Variants in CNTNAP3 observed in about 807,000 individuals in gnomAD.
The protein encoded by CNTNAP3 is contactin associated protein family member 3, also known as contactin-associated protein-like 3.
In CNTNAP3, 36 loss-of-function variants were observed where a neutral mutation model predicts 92.1. The observed-to-expected ratio is 0.39, with a 90% CI of 0.30 to 0.52. CNTNAP3 has a LOEUF of 0.52. Ranked by LOEUF, CNTNAP3 falls within the 20% of genes least tolerant of loss-of-function variation. The probability of loss-of-function intolerance (pLI) is 0.76; values close to 1 mark genes in which losing one functional copy is unlikely to be tolerated. For synonymous variants in CNTNAP3, 232 were observed against 422.3 expected (o/e 0.55, Z 5.53); for missense variants, 534 against 1,069.6 (o/e 0.50, Z 6.98).
intron 15 of CNTNAP3, among the ~76,000 whole-genome samples, chr9:39,105,994 C>G (rs1392612001): frequency 2.0e-5 from 3 of 152,074 alleles, no homozygotes; most frequent in Non-Finnish European, 4.4e-5. Context: ...CAGTCTTCCT[C>G]CTTCCCACAT....
chr9:39,083,291 C>A (rs1219282797), intron 21 of CNTNAP3, among the ~76,000 whole-genome samples: 1 of 151,744 alleles, frequency 6.6e-6, no homozygotes, highest in Non-Finnish European at 1.5e-5. Flanking sequence ...TTTTTTTTTA[C>A]TTTTTGGGAG....
At position 39,066,949 on chromosome 9, in the gene CNTNAP3, A is replaced by G. The variant is rs1476537897; in HGVS notation, c.*6941T>C. 6.6e-5 allele frequency among the ~76,000 whole-genome samples: 10 copies of G among 152,376 alleles called. No individual in the cohort carries two copies. Among genetic ancestry groups the G allele is most frequent in the Middle Eastern group, 3.4e-3 (1 of 294 alleles). Reference sequence around the variant, plus strand: ...TTTTTAAAAATATTTTTTTCTATCCATCCACTCTCTTTTCTCCTTTGAGAA... The same window carrying G: ...TTTTTAAAAATATTTTTTTCTATCCGTCCACTCTCTTTTCTCCTTTGAGAA... On this transcript the variant is annotated 3_prime_UTR_variant, in exon 24 of 24. Transcript: ENST00000297668.
chr9:39,135,538 C>T (rs1195712358), intron 12 of CNTNAP3, among the ~76,000 whole-genome samples: 4 of 152,084 alleles, frequency 2.6e-5, no homozygotes, highest in South Asian at 2.1e-4. Context: ...AATAAATATC[C>T]GACTTTGAAA....
intron 18 of CNTNAP3, among the ~76,000 whole-genome samples, chr9:39,097,464 A>G (rs1826352441): frequency 6.6e-6 from 1 of 152,084 alleles, no homozygotes; most frequent in Non-Finnish European, 1.5e-5. Context: ...GTTCCTTACA[A>G]GTAAGCTGGA....
chr9:39,280,746 T>TA (rs1199485911), intron 1 of CNTNAP3, among the ~76,000 whole-genome samples: 2 of 51,540 alleles, frequency 3.9e-5, no homozygotes, highest in Non-Finnish European at 9.6e-5. Context: ...GTTATAATTA[T>TA]ATTCATGAAG....
chr9:39,151,181 A>AACGC (rs1563893470), intron 9 of CNTNAP3, among the ~76,000 whole-genome samples: 2 of 129,392 alleles, frequency 1.5e-5, no homozygotes, highest in Non-Finnish European at 3.2e-5. Flanking sequence ...TTTTCTGTAA[A>AACGC]ACGCAGATAG....
chr9:39,139,603 A>G (rs1488347056), intron 12 of CNTNAP3: 1 of 152,172 alleles, frequency 6.6e-6, no homozygotes, highest in Non-Finnish European at 1.5e-5. Flanking sequence ...TGTCAGCACA[A>G]TAAATGAGAA....
chr9:39,112,662 C>A (rs546650156), intron 14 of CNTNAP3, among the ~76,000 whole-genome samples: 113 of 152,208 alleles, frequency 7.4e-4, no homozygotes, highest in African/African-American at 1.9e-3. Flanking sequence ...CCGCGCCCAG[C>A]CCAACTGTTA....
At chr9:39,148,093 C>T (rs951945057) in intron 10 of CNTNAP3, among the ~76,000 whole-genome samples, 2 of 151,880 alleles carry the variant, frequency 1.3e-5, no homozygotes, top group African/African-American at 4.8e-5. Context: ...ATTAAGTGAG[C>T]AAATGGCCAG....
At chr9:39,121,510 A>G (rs1821018482) in intron 13 of CNTNAP3, among the ~76,000 whole-genome samples, 1 of 152,198 alleles carries the variant, frequency 6.6e-6, no homozygotes, top group South Asian at 2.1e-4. Context: ...TTACACAGTT[A>G]AAGTCATAGG....
chr9:39,135,989 C>T (rs749314046), intron 12 of CNTNAP3, among the ~76,000 whole-genome samples: 46 of 151,798 alleles, frequency 3.0e-4, no homozygotes, highest in Non-Finnish European at 6.0e-4. Flanking sequence ...ATTAGCCGGG[C>T]GTGGTGGCAC....
intron 18 of CNTNAP3, among the ~76,000 whole-genome samples, chr9:39,089,292 G>A (rs1474079187): frequency 1.3e-5 from 2 of 152,116 alleles, no homozygotes; most frequent in Non-Finnish European, 2.9e-5. Flanking sequence ...TTTCATATCA[G>A]TGGAATCATA....
intron 1 of CNTNAP3, among the ~76,000 whole-genome samples, chr9:39,277,924 G>T (rs1822970593): frequency 4.8e-5 from 1 of 20,650 alleles, no homozygotes; most frequent in Admixed American, 8.8e-4. Context: ...GTCCTGGCCA[G>T]GGCAATCAGG....
At position 39,157,625 on chromosome 9, in the gene CNTNAP3, C is replaced by T. The variant is rs57123513; in HGVS notation, c.1478-7648G>A. 5.4e-3 allele frequency among the ~76,000 whole-genome samples: 262 copies of T among 48,300 alleles called. 3 individuals carry two copies. The highest frequency in any genetic ancestry group is 0.019 in the African/African-American group (247 of 13,324). The allele number at this position is 48,300 out of a possible 152,430, so 31.7% of individuals were successfully genotyped here. A position where few individuals can be genotyped will look rare whatever the true frequency, so the allele number is the denominator to read the frequency against. Reference sequence around the variant, plus strand: ...CCTCCCAAAGTGCTGGGATTACAGGCGTGAGCCACTGTGCCTGGCCGAATT... The same window carrying T: ...CCTCCCAAAGTGCTGGGATTACAGGTGTGAGCCACTGTGCCTGGCCGAATT... On this transcript the variant is annotated intron_variant, in intron 9 of 23. Coordinates refer to ENST00000297668, the MANE Select transcript of CNTNAP3 (RefSeq NM_033655.5).
chr9:39,116,881 C>T (rs1474094110), intron 14 of CNTNAP3, among the ~76,000 whole-genome samples: 1 of 152,088 alleles, frequency 6.6e-6, no homozygotes, highest in African/African-American at 2.4e-5. Context: ...ACCATGCAGG[C>T]CAAACAACTC....
intron 18 of CNTNAP3, among the ~76,000 whole-genome samples, chr9:39,097,396 A>G (rs1353311139): frequency 6.6e-6 from 1 of 151,976 alleles, no homozygotes; most frequent in African/African-American, 2.4e-5. Context: ...TCTGCTTACA[A>G]GTAGGGCACA....
At chr9:39,104,412 GT>G (rs1391916114) in intron 15 of CNTNAP3, among the ~76,000 whole-genome samples, 1 of 150,122 alleles carries the variant, frequency 6.7e-6, no homozygotes, top group Admixed American at 6.7e-5. Context: ...TTTGAAGGAG[GT>G]AGTTGGATAA....
At chr9:39,108,279 C>CCG (rs1267110006) in intron 15 of CNTNAP3, among the ~76,000 whole-genome samples, 1 of 152,218 alleles carries the variant, frequency 6.6e-6, no homozygotes, top group African/African-American at 2.4e-5. Context: ...CGGTCCCCCC[C>CCG]CTCTCTGGGG....
intron 15 of CNTNAP3, among the ~76,000 whole-genome samples, chr9:39,106,114 GA>G (rs1347327759): frequency 2.6e-5 from 4 of 152,056 alleles, no homozygotes; most frequent in African/African-American, 9.7e-5. Context: ...GTCATTCCTT[GA>G]CCCTATCCCT....
Sources: allele counts gnomAD v4.1 joint callset (sites outside exome capture counted in the v4.1 genomes callset), GRCh38; gene constraint gnomAD v4.1.1; transcripts MANE v1.5; gene names NCBI Gene and HGNC (gene_info 2026-07-23, HGNC 2026-07-21).